PHACTR4: variants seen among roughly 807,000 people sequenced by gnomAD.
PHACTR4 encodes phosphatase and actin regulator 4.
In PHACTR4, 51 loss-of-function variants were observed where a neutral mutation model predicts 72.7. The observed-to-expected ratio is 0.70, with a 90% confidence interval of 0.56 to 0.89. The LOEUF is 0.89. Ranked by LOEUF, PHACTR4 falls within the 40% of genes least tolerant of loss-of-function variation. PHACTR4 has a pLI of 0.00. For missense variants in PHACTR4, 731 were observed against 861.8 expected (o/e 0.85, Z 1.90); for synonymous variants, 255 against 302.5 (o/e 0.84, Z 1.63).
intron 2 of PHACTR4, among the ~76,000 whole-genome samples, chr1:28,426,114 G>A (rs868633351): frequency 1.3e-5 from 2 of 151,836 alleles, no homozygotes; most frequent in East Asian, 1.9e-4. Flanking sequence ...TCAGCTACTC[G>A]GGAGGCTGAG....
At chr1:28,417,948 C>CA (rs745690078) in intron 2 of PHACTR4, among the ~76,000 whole-genome samples, 1,454 of 83,462 alleles carry the variant, frequency 0.017, 35 homozygotes, top group East Asian at 0.16. Context: ...GGAGACCCTA[C>CA]AAAAAAAAAA....
intron 2 of PHACTR4, among the ~76,000 whole-genome samples, chr1:28,442,442 G>A (rs372947263): frequency 6.7e-6 from 1 of 149,660 alleles, no homozygotes; most frequent in Non-Finnish European, 1.5e-5. Context: ...CCAGCCTGGC[G>A]ACAGAGTGAG....
chr1:28,422,757 A>G (rs1196337743), intron 2 of PHACTR4: 1 of 152,032 alleles, frequency 6.6e-6, no homozygotes, highest in East Asian at 1.9e-4. Context: ...CTAAAAAGAG[A>G]ATTTGGTGAC....
chr1:28,381,163 C>T (rs182107687), intron 1 of PHACTR4, among the ~76,000 whole-genome samples: 3 of 151,284 alleles, frequency 2.0e-5, no homozygotes, highest in African/African-American at 4.8e-5. Context: ...CACACCACCA[C>T]GCCCGGCTAA....
At chr1:28,398,782 G>A (rs751169634) in intron 1 of PHACTR4, among the ~76,000 whole-genome samples, 1 of 152,034 alleles carries the variant, frequency 6.6e-6, no homozygotes, top group Non-Finnish European at 1.5e-5. Flanking sequence ...TCGCGCTACT[G>A]CACTCCAGCC....
chr1:28,440,323 AAAAAG>A lies in PHACTR4; in HGVS notation c.17-18761_17-18757del, dbSNP rs1193274625. ...TCTCAAAAAGAAAAAAAAAAAAAAA[AAAAAG>A]TTCATCTGAGTAACGTTTGGTATTT... On this transcript the variant is annotated intron_variant, in intron 2 of 13. Transcript: ENST00000373839. Among the ~76,000 whole-genome samples the A allele has an allele frequency of 1.5e-3, 225 of 150,084 alleles. 1 individual carries two copies. The highest frequency in any genetic ancestry group is 3.0e-3 in the Non-Finnish European group (201 of 67,598).
intron 2 of PHACTR4, among the ~76,000 whole-genome samples, chr1:28,408,079 C>T (rs1654486994): frequency 6.6e-6 from 1 of 152,238 alleles, no homozygotes; most frequent in African/African-American, 2.4e-5. Context: ...GAGATCGCGC[C>T]ACTGCGCTCC....
chr1:28,480,766 G>C (rs541236561), intron 9 of PHACTR4, among the ~76,000 whole-genome samples, 162 bp downstream of exon 9: 5 of 151,402 alleles, frequency 3.3e-5, no homozygotes, highest in Non-Finnish European at 5.9e-5. Flanking sequence ...TCGGCTCACT[G>C]TAACCTCCAC....
Position 28,476,286 on chromosome 1 carries a change from A to G in PHACTR4, c.1601A>G (p.Tyr534Cys), listed in dbSNP as rs1659913991. Residue 534 changes from tyrosine to cysteine, a missense_variant, in exon 8 of 14, where the codon TAT becomes TGT. By Grantham distance (194) the Tyr-to-Cys change is radical. This residue lies in a region of PHACTR4 where 621 missense variants were observed against 676.6 expected (regional missense o/e 0.92). Coordinates refer to ENST00000373839, the MANE Select transcript of PHACTR4 (RefSeq NM_001048183.3). The part of the protein sequence containing the change: ...YRDEEDEDES[Y>C]QSALANKVKR... ...GATGAAGAAGATGAAGATGAAAGCT[A>G]TCAGAGTAAGAAAGGGAGGGAAAAG... The G allele has an allele frequency of 6.3e-7, 1 of 1,594,636 alleles. No homozygotes were observed. Among genetic ancestry groups the G allele is most frequent in the African/African-American group, 1.4e-5 (1 of 73,608 alleles).
chr1:28,498,018 T>C lies in PHACTR4; in HGVS notation c.*1469T>C, dbSNP rs1468703032. 6.6e-6 allele frequency: 1 copy of C among 150,804 alleles called. No individual in the cohort carries two copies. The highest frequency in any genetic ancestry group is 1.5e-5 in the Non-Finnish European group (1 of 67,846). The allele number at this position is 150,804 out of a possible 1,614,324, so 9.3% of individuals were successfully genotyped here. A position where few individuals can be genotyped will look rare whatever the true frequency, so the allele number is the denominator to read the frequency against. On this transcript the variant is annotated 3_prime_UTR_variant, in exon 14 of 14. Transcript: ENST00000373839. ...CTCAAAAAAAAAAAAAAAGCCTTAA[T>C]ATTAATGCTAACGTGGCAGAAAACT...
At chr1:28,373,425 G>A (rs1479499714) in intron 1 of PHACTR4, among the ~76,000 whole-genome samples, 1 of 152,046 alleles carries the variant, frequency 6.6e-6, no homozygotes, top group Admixed American at 6.6e-5. Context: ...TGAGTAGCTG[G>A]GATTACAGGC....
intron 1 of PHACTR4, among the ~76,000 whole-genome samples, chr1:28,404,941 T>C (rs1185586060): frequency 6.6e-6 from 1 of 152,090 alleles, no homozygotes; most frequent in African/African-American, 2.4e-5. Context: ...GGCCCCAGTG[T>C]CTGTTGTTCC....
intron 1 of PHACTR4, among the ~76,000 whole-genome samples, chr1:28,400,769 G>A (rs1653885394): frequency 6.6e-6 from 1 of 152,014 alleles, no homozygotes; most frequent in African/African-American, 2.4e-5. Flanking sequence ...TAGTAGAGAC[G>A]GGGTTTCCCT....
chr1:28,411,524 C>T (rs931879211), intron 2 of PHACTR4, among the ~76,000 whole-genome samples: 1 of 152,074 alleles, frequency 6.6e-6, no homozygotes. Context: ...TATACATATA[C>T]ACACATATAC....
chr1:28,437,561 TG>T (rs1330984431), intron 2 of PHACTR4, among the ~76,000 whole-genome samples: 12 of 152,336 alleles, frequency 7.9e-5, no homozygotes, highest in African/African-American at 2.9e-4. Flanking sequence ...TTCTGGATAC[TG>T]GGAAGTCCAA....
intron 2 of PHACTR4, chr1:28,432,806 T>C (rs984139077): frequency 6.6e-6 from 1 of 152,230 alleles, no homozygotes; most frequent in Admixed American, 6.5e-5. Context: ...AATAGCACGA[T>C]CTCAGCTCAC....
chr1:28,490,859 A>G, intron 10 of PHACTR4, 92 bp from the exon 11 acceptor site: 1 of 1,327,368 alleles, frequency 7.5e-7, no homozygotes, highest in African/African-American at 1.5e-5. Flanking sequence ...AAAAAAACAA[A>G]AAAGAAATAT....
intron 2 of PHACTR4, among the ~76,000 whole-genome samples, chr1:28,450,080 A>C (rs940314898): frequency 5.9e-5 from 9 of 152,004 alleles, no homozygotes; most frequent in Non-Finnish European, 1.3e-4. Flanking sequence ...TCAAACAGGA[A>C]ACTCCAAACT....
chr1:28,465,238 G>C (rs1296254312), intron 4 of PHACTR4, among the ~76,000 whole-genome samples: 4 of 152,128 alleles, frequency 2.6e-5, no homozygotes, highest in Non-Finnish European at 4.4e-5. Flanking sequence ...GAGGCGGGCA[G>C]ATCACGAGGT....
Sources: gnomAD v4.1 joint callset for allele counts (sites outside exome capture counted in the v4.1 genomes callset) on GRCh38, gnomAD v4.1.1 for gene constraint, gnomAD v4.1.1 regional missense constraint, MANE v1.5 for transcripts, NCBI Gene and HGNC (gene_info 2026-07-23, HGNC 2026-07-21) for gene names.